Variants in LTBP1 observed in about 807,000 individuals in gnomAD.
LTBP1 encodes latent-transforming growth factor beta-binding protein 1.
LTBP1 carries 129 observed loss-of-function variants against 207.6 expected under a neutral mutation model. The ratio of observed to expected loss-of-function variants is 0.62; its 90% CI spans 0.54 to 0.72. The LOEUF (loss-of-function observed/expected upper bound fraction) is 0.72, where lower values mean the gene tolerates loss of function less well. Among genes scored for constraint, LTBP1 ranks in the 30% least tolerant of loss-of-function variants. The pLI, the probability that LTBP1 is intolerant of heterozygous loss-of-function variation, is 0.00. For missense variants in LTBP1, 2,281 were observed against 2,217.2 expected (o/e 1.03, Z -0.58); for synonymous variants, 963 against 833.7 (o/e 1.16, Z -2.67).
intron 15 of LTBP1, among the ~76,000 whole-genome samples, chr2:33,272,768 C>T (rs1321530766): frequency 2.0e-5 from 3 of 152,214 alleles, no homozygotes; most frequent in Non-Finnish European, 4.4e-5. Context: ...GCTGTGCCAC[C>T]TTCACTAGGC....
chr2:33,171,786 C>T (rs930439439), intron 5 of LTBP1, among the ~76,000 whole-genome samples: 2 of 152,018 alleles, frequency 1.3e-5, no homozygotes, highest in African/African-American at 4.8e-5. Flanking sequence ...AAAGGGAAGC[C>T]CATCAGACTA....
intron 3 of LTBP1, among the ~76,000 whole-genome samples, chr2:33,023,801 T>C (rs2075288308): frequency 6.6e-6 from 1 of 152,226 alleles, no homozygotes. Flanking sequence ...TAATTTAGGT[T>C]ATGACATAAT....
At chr2:33,274,849 C>T in intron 16 of LTBP1, 116 bp from the exon 17 acceptor site, 1 of 948,102 alleles carries the variant, frequency 1.1e-6, no homozygotes, top group Non-Finnish European at 1.6e-6. Flanking sequence ...TGCTGTTGTC[C>T]TCAGTTATAA....
chr2:33,125,380 C>A (rs533956789), intron 4 of LTBP1, among the ~76,000 whole-genome samples: 6 of 152,298 alleles, frequency 3.9e-5, no homozygotes, highest in South Asian at 4.1e-4. Flanking sequence ...CAGTCCTTGT[C>A]TCTCGAGTCT....
At chr2:33,351,715 ATT>A (rs1438952364) in intron 26 of LTBP1, among the ~76,000 whole-genome samples, 1 of 152,156 alleles carries the variant, frequency 6.6e-6, no homozygotes, top group Non-Finnish European at 1.5e-5. Flanking sequence ...CTTCTGAAAC[ATT>A]TGACAGTGGT....
intron 2 of LTBP1, among the ~76,000 whole-genome samples, chr2:32,980,755 C>T (rs1034346167): frequency 6.6e-6 from 1 of 152,154 alleles, no homozygotes; most frequent in Non-Finnish European, 1.5e-5. Flanking sequence ...GCACTTCTTA[C>T]AGGACCAGTC....
chr2:33,185,153 A>G (rs963857961), intron 5 of LTBP1, among the ~76,000 whole-genome samples: 6 of 152,198 alleles, frequency 3.9e-5, no homozygotes, highest in African/African-American at 1.4e-4. Flanking sequence ...AACTGAATTA[A>G]GTTCCATGTA....
intron 24 of LTBP1, 119 bp downstream of exon 24, chr2:33,315,388 T>C: frequency 7.2e-6 from 9 of 1,257,260 alleles, no homozygotes; most frequent in South Asian, 2.7e-5. Context: ...CCTCAAAGCA[T>C]GTATGCATCA....
intron 11 of LTBP1, among the ~76,000 whole-genome samples, chr2:33,256,349 C>G (rs182108683): frequency 1.3e-5 from 2 of 152,202 alleles, no homozygotes; most frequent in Non-Finnish European, 2.9e-5. Flanking sequence ...AAACACTTCC[C>G]CTTTTCCGTC....
chr2:33,078,000 T>A (rs2149824644), intron 3 of LTBP1, among the ~76,000 whole-genome samples: 1 of 152,200 alleles, frequency 6.6e-6, no homozygotes, highest in African/African-American at 2.4e-5. Flanking sequence ...TGAGGTTGAG[T>A]GGCTTACAGC....
intron 4 of LTBP1, among the ~76,000 whole-genome samples, chr2:33,118,418 C>T (rs1257596459): frequency 2.6e-5 from 4 of 152,148 alleles, no homozygotes; most frequent in African/African-American, 7.2e-5. Flanking sequence ...TTTTTCCTTG[C>T]AAAATCAGCG....
intron 2 of LTBP1, among the ~76,000 whole-genome samples, chr2:32,954,074 C>T (rs568999400): frequency 6.6e-6 from 1 of 152,218 alleles, no homozygotes; most frequent in South Asian, 2.1e-4. Context: ...CTTTATTAAC[C>T]CTATTCCAGA....
At chr2:33,251,562 G>C (rs533624848) in intron 10 of LTBP1, among the ~76,000 whole-genome samples, 135 of 151,776 alleles carry the variant, frequency 8.9e-4, no homozygotes, top group Non-Finnish European at 1.5e-3. Context: ...CTACTCAGGA[G>C]GCTGAGGCAG....
At chr2:33,117,449 A>G (rs2080812434) in intron 4 of LTBP1, among the ~76,000 whole-genome samples, 1 of 152,180 alleles carries the variant, frequency 6.6e-6, no homozygotes, top group African/African-American at 2.4e-5. Context: ...TTGCAGTCTG[A>G]TACCACAAAG....
chr2:33,079,681 C>G (rs531830130), intron 3 of LTBP1, among the ~76,000 whole-genome samples: 2 of 152,198 alleles, frequency 1.3e-5, no homozygotes, highest in Admixed American at 6.5e-5. Flanking sequence ...AGACTTCTCC[C>G]AGTTCTGGTC....
chr2:33,174,144 A>G (rs1446176920), intron 5 of LTBP1, among the ~76,000 whole-genome samples: 2 of 147,602 alleles, frequency 1.4e-5, no homozygotes, highest in Non-Finnish European at 3.0e-5. Flanking sequence ...TAGTGTTGGA[A>G]GTTCTAGCCA....
At chr2:32,947,858 G>T in intron 1 of LTBP1, 40 bp downstream of exon 1, 1 of 1,273,640 alleles carries the variant, frequency 7.9e-7, no homozygotes, top group Non-Finnish European at 1.0e-6. Flanking sequence ...CCCGCCTCGC[G>T]CGCACCGCCC....
rs1298765493 is a variant in LTBP1, at chr2:32,947,551, C to T, written c.227C>T (p.Ser76Phe). 3.7e-6 allele frequency: 5 copies of T among 1,365,288 alleles called. No homozygotes were observed. Among genetic ancestry groups the T allele is most frequent in the South Asian group, 1.7e-5 (1 of 59,940 alleles). The allele number at this position is 1,365,288 out of a possible 1,614,324, so 84.6% of individuals were successfully genotyped here. A position where few individuals can be genotyped will look rare whatever the true frequency, so the allele number is the denominator to read the frequency against. The stretch of plus-strand genomic sequence containing the variant: ...GCTGCCGGCGCCCCCAGCCGTGCCT[C>T]CCCCGGGGTCCCCTCGGAGAGGACC... ...SAAAGAPSRA[S>F]PGVPSERTRR... Residue 76 changes from serine (S) to phenylalanine (F), a missense_variant, in exon 1 of 34, where the codon TCC becomes TTC. Physicochemically the swap from Ser to Phe is radical, Grantham distance 155. This residue lies in a region of LTBP1 where 555 missense variants were observed against 491.0 expected (regional missense o/e 1.13). Transcript: ENST00000404816.
At chr2:33,163,020 C>G (rs972389301) in intron 5 of LTBP1, among the ~76,000 whole-genome samples, 8 of 152,232 alleles carry the variant, frequency 5.3e-5, no homozygotes, top group African/African-American at 1.4e-4. Flanking sequence ...CTCACTCCAT[C>G]ACCCAGGCTA....
Sources: allele counts gnomAD v4.1 joint callset (sites outside exome capture counted in the v4.1 genomes callset), GRCh38; gene constraint gnomAD v4.1.1; regional missense constraint gnomAD v4.1.1; transcripts MANE v1.5; gene names NCBI Gene and HGNC (gene_info 2026-07-23, HGNC 2026-07-21).